The following RP1L1 variants were observed in gnomAD, a reference collection of about 807,000 sequenced individuals.
The protein encoded by RP1L1 is retinitis pigmentosa 1-like 1 protein.
In RP1L1, 27 loss-of-function variants were observed where a neutral mutation model predicts 15.7. That is an observed-to-expected ratio of 1.72 (90% CI 1.27 to 2.38). RP1L1 has a LOEUF of 2.38. Ranked by LOEUF, RP1L1 falls within the 30% of genes most tolerant of loss-of-function variation. RP1L1 has a pLI of 0.00. For synonymous variants in RP1L1, 1,813 were observed against 1,276.7 expected, an observed-to-expected ratio of 1.42 and a Z score of -8.96; for missense variants, 4,798 against 3,075.9, an observed-to-expected ratio of 1.56 and a Z score of -13.24.
At chr8:10,632,304 G>A (rs1289435263) in intron 1 of RP1L1, among the ~76,000 whole-genome samples, 3 of 152,194 alleles carry the variant, frequency 2.0e-5, no homozygotes, top group Non-Finnish European at 4.4e-5. Flanking sequence ...CATCTAGAAC[G>A]TTCTAGAACA....
In RP1L1 at chr8:10,610,914, T is replaced by A; in HGVS notation, c.3184A>T (p.Arg1062Ter). ...ACCCTGCAGCCTGCTGGGGCCTCTC[T>A]GTCTGCTCCGGCCTCTGCAGGGGCC... ...SEAPAEAGAD[R>*]EAPAGCRVSL... is the part of the protein sequence containing the mutation. The change falls in exon 4 of 4, where the codon AGA becomes TGA. Residue 1062 changes from arginine to a stop codon, truncating the protein, a stop_gained. Transcript: ENST00000382483. LOFTEE classifies it low-confidence loss of function (END_TRUNC). The A allele has an allele frequency of 6.2e-7, 1 of 1,610,974 alleles. No homozygotes were observed. The highest frequency in any genetic ancestry group is 8.5e-7 in the Non-Finnish European group (1 of 1,179,232).
rs923135152 is a variant in RP1L1, at chr8:10,622,856, G to A, written c.346C>T (p.Pro116Ser). The A allele has an allele frequency of 3.1e-6, 5 of 1,612,956 alleles. No homozygotes were observed. Among genetic ancestry groups the A allele is most frequent in the African/African-American group, 1.3e-5 (1 of 74,886 alleles). The change falls in exon 2 of 4, where the codon CCA becomes TCA. Residue 116 changes from proline (P) to serine (S), a missense_variant. Pro to Ser is a moderately conservative substitution (Grantham distance 74, BLOSUM62 -1). Transcript: ENST00000382483. The part of the protein sequence containing the change: ...DKKPPKTPSG[P>S]GRPQERNPTA... ...GGGTTTCTCTCCTGTGGCCGGCCTGGTCCACTGGGGGTCTTGGGGGGCTTC... is the reference window on the plus strand; with the variant it reads ...GGGTTTCTCTCCTGTGGCCGGCCTGATCCACTGGGGGTCTTGGGGGGCTTC...
chr8:10,610,498 A>AC lies in RP1L1; in HGVS notation c.3599dup (p.Val1201CysfsTer14), dbSNP rs773984021. 1 of 1,613,764 alleles carries AC rather than the reference A, an allele frequency of 6.2e-7. No individual in the cohort carries two copies. Among genetic ancestry groups the AC allele is most frequent in the Non-Finnish European group, 8.5e-7 (1 of 1,180,012 alleles). ...CTCCAGAGCCGCTGCTGATGTCCAC[A>AC]CCAGAGGAGGATGTGGGCGTGAAGT... On this transcript the variant is annotated frameshift_variant, in exon 4 of 4. Coordinates refer to ENST00000382483, the MANE Select transcript of RP1L1 (RefSeq NM_178857.6). LOFTEE classifies it low-confidence loss of function (END_TRUNC).
Position 10,619,279 on chromosome 8 carries a change from G to A in RP1L1, c.610-2692C>T, listed in dbSNP as rs1348522442. Among the ~76,000 whole-genome samples, 3 of 152,222 alleles carry A rather than the reference G, an allele frequency of 2.0e-5. No homozygotes were observed. The East Asian group carries it at 5.8e-4, about 29-fold the overall frequency. ...AATAAGATGCACTTGAACAGGGCAT[G>A]GAACGTGGCAGCGAAGCACAGGCCA... On this transcript the variant is annotated intron_variant, in intron 2 of 3. Transcript: ENST00000382483.
intron 1 of RP1L1, 125 bp from the exon 2 acceptor site, chr8:10,623,345 G>T: frequency 1.4e-6 from 1 of 725,692 alleles, no homozygotes. Flanking sequence ...CTATGGAGAG[G>T]CAAGTGAATC....
In RP1L1 at chr8:10,608,650, A is replaced by G. The variant is rs1797761502; in HGVS notation, c.5448T>C (p.Gly1816=). ...CTTGGTCACCTCCTGCCGCAGCTTC[A>G]CCCTGCAAGTTGTCCTCATGCCCAG... ...QGSGHEDNLQ[G]EAAAGGDQDP... is the part of the protein sequence containing the mutation. Residue 1816 remains glycine (G), a synonymous_variant, in exon 4 of 4, where the codon GGT becomes GGC. Coordinates refer to ENST00000382483, the MANE Select transcript of RP1L1 (RefSeq NM_178857.6). 1.2e-6 allele frequency: 2 copies of G among 1,613,894 alleles called. No homozygotes were observed. The highest frequency in any genetic ancestry group is 2.7e-5 in the African/African-American group (2 of 74,860).
At chr8:10,642,141 T>C (rs1196989422) in intron 1 of RP1L1, among the ~76,000 whole-genome samples, 2 of 152,208 alleles carry the variant, frequency 1.3e-5, no homozygotes, top group African/African-American at 4.8e-5. Flanking sequence ...CACCTGCGTA[T>C]AAATCTATAA....
intron 2 of RP1L1, among the ~76,000 whole-genome samples, chr8:10,619,976 A>G (rs113485027): frequency 0.057 from 8,671 of 151,496 alleles, 351 homozygotes; most frequent in Non-Finnish European, 0.089. Context: ...AAAAAAAAAA[A>G]AAAAAGATGT....
chr8:10,608,808 C>T lies in RP1L1; in HGVS notation c.5290G>A (p.Glu1764Lys), dbSNP rs770943143. The change falls in exon 4 of 4, where the codon GAG becomes AAG. Residue 1764 changes from glutamate (E) to lysine (K), a missense_variant. Physicochemically the swap from Glu to Lys is moderately conservative, Grantham distance 56 (BLOSUM62 1). Coordinates refer to ENST00000382483, the MANE Select transcript of RP1L1 (RefSeq NM_178857.6). ...CTCTCCTGAGCCATTGCATCTCCCT[C>T]TGCCTCCCCGAGTTTGGGATCTTTG... ...RDKDPKLGEA[E>K]GDAMAQEREG... 6.2e-7 allele frequency: 1 copy of T among 1,614,192 alleles called. No homozygotes were observed. Among genetic ancestry groups the T allele is most frequent in the Admixed American group, 1.7e-5 (1 of 60,024 alleles).
rs773264034 is a variant in RP1L1 at position 10,622,643 on chromosome 8, C to A, written c.559G>T (p.Asp187Tyr). The A allele has an allele frequency of 1.2e-6, 2 of 1,614,242 alleles. No homozygotes were observed. Among genetic ancestry groups the A allele is most frequent in the South Asian group, 2.2e-5 (2 of 91,084 alleles). The change falls in exon 2 of 4, where the codon GAT becomes TAT. Residue 187 changes from aspartate (D) to tyrosine (Y), a missense_variant. Physicochemically the swap from Asp to Tyr is radical, Grantham distance 160. Transcript: ENST00000382483. ...TGCTTCACAGGAAAGCGCAGGAGATCTGAGGCTTTGCCGAGAAAGGCGGCC... is the reference window on the plus strand; with the variant it reads ...TGCTTCACAGGAAAGCGCAGGAGATATGAGGCTTTGCCGAGAAAGGCGGCC... The part of the protein sequence containing the change: ...NLAAFLGKAS[D>Y]LLRFPVKQLY...
intron 1 of RP1L1, among the ~76,000 whole-genome samples, chr8:10,637,247 G>A (rs901088860): frequency 6.6e-6 from 1 of 152,152 alleles, no homozygotes; most frequent in African/African-American, 2.4e-5. Context: ...AACCTCCCAG[G>A]CTTGGCCGCG....
At chr8:10,653,037 G>C (rs927703029) in intron 1 of RP1L1, among the ~76,000 whole-genome samples, 1 of 152,186 alleles carries the variant, frequency 6.6e-6, no homozygotes, top group African/African-American at 2.4e-5. Flanking sequence ...TTCTGTCCCT[G>C]TGTGGCTGGG....
chr8:10,606,735 C>A lies in RP1L1; in HGVS notation c.*160G>T. 8.0e-7 allele frequency: 1 copy of A among 1,255,438 alleles called. No individual in the cohort carries two copies. The highest frequency in any genetic ancestry group is 1.1e-6 in the Non-Finnish European group (1 of 919,254). The allele number at this position is 1,255,438 out of a possible 1,614,324, so 77.8% of individuals were successfully genotyped here. On this transcript the variant is annotated 3_prime_UTR_variant, in exon 4 of 4. Coordinates refer to ENST00000382483, the MANE Select transcript of RP1L1 (RefSeq NM_178857.6). Reference sequence around the variant, plus strand: ...TCTGACACTTCTGGACTTAAGAGTCCCAGGACAGCATGGCATGGGCTGTGT... The same window carrying A: ...TCTGACACTTCTGGACTTAAGAGTCACAGGACAGCATGGCATGGGCTGTGT...
chr8:10,623,585 AATGTCCCCAGAACTTCC>A (rs946008604), intron 1 of RP1L1, among the ~76,000 whole-genome samples: 11 of 144,078 alleles, frequency 7.6e-5, no homozygotes, highest in African/African-American at 2.1e-4. Context: ...CCAGTACTTC[AATGTCCCCAGAACTTCC>A]ATGTCCCCAG....
In RP1L1 at chr8:10,606,695, C is replaced by T. The variant is rs544642796; in HGVS notation, c.*200G>A. 1.6e-4 allele frequency: 136 copies of T among 838,220 alleles called. 3 individuals carry two copies. The South Asian group carries it at 2.0e-3, about 12-fold the overall frequency. The allele number at this position is 838,220 out of a possible 1,614,324, so 51.9% of individuals were successfully genotyped here. ...CCCTTTCTTCACACTGCGTGTGGGA[C>T]GGGCCGCAGAGCTCTCTGACACTTC... On this transcript the variant is annotated 3_prime_UTR_variant, in exon 4 of 4. Transcript: ENST00000382483.
intron 1 of RP1L1, among the ~76,000 whole-genome samples, chr8:10,631,478 T>A (rs1563135596): frequency 6.6e-6 from 1 of 152,136 alleles, no homozygotes; most frequent in Non-Finnish European, 1.5e-5. Context: ...CTTCTTCAAA[T>A]ACATAATGAC....
chr8:10,623,604 T>A (rs1005440303), intron 1 of RP1L1, among the ~76,000 whole-genome samples: 3 of 149,742 alleles, frequency 2.0e-5, no homozygotes, highest in African/African-American at 7.4e-5. Flanking sequence ...AGAACTTCCA[T>A]GTCCCCAGCA....
rs547995843 is a variant in RP1L1, at chr8:10,634,028, C to A, written c.-19-10808G>T. Among the ~76,000 whole-genome samples, 10 of 152,264 alleles carry A rather than the reference C, an allele frequency of 6.6e-5. No individual in the cohort carries two copies. The East Asian group carries it at 1.9e-3, about 29-fold the overall frequency. On this transcript the variant is annotated intron_variant, in intron 1 of 3. Transcript: ENST00000382483. ...AGGCTCAAGTCACCCTGATCCCCAG[C>A]TGCAGGCCTGAGGCAGCCTCAGCTC... is the stretch of plus-strand genomic sequence containing the variant.
intron 1 of RP1L1, among the ~76,000 whole-genome samples, chr8:10,654,201 C>T (rs1798605131): frequency 6.6e-6 from 1 of 152,130 alleles, no homozygotes; most frequent in Non-Finnish European, 1.5e-5. Context: ...ACTTGACTGG[C>T]CGCTGGGGGG....
Sources: allele counts gnomAD v4.1 joint callset (sites outside exome capture counted in the v4.1 genomes callset), GRCh38; gene constraint gnomAD v4.1.1; transcripts MANE v1.5; gene names NCBI Gene and HGNC (gene_info 2026-07-23, HGNC 2026-07-21).